Variants in ESRRG observed in about 807,000 individuals in gnomAD.
The protein encoded by ESRRG is estrogen related receptor gamma.
A neutral mutation model predicts 44.0 loss-of-function variants in ESRRG; 13 were observed. The ratio of observed to expected loss-of-function variants is 0.30; its 90% CI spans 0.19 to 0.47. The LOEUF (loss-of-function observed/expected upper bound fraction) is 0.47. Among genes scored for constraint, ESRRG ranks in the 20% least tolerant of loss-of-function variants. The probability of loss-of-function intolerance (pLI) is 1.00; values close to 1 mark genes in which losing one functional copy is unlikely to be tolerated. For synonymous variants in ESRRG, 215 were observed against 214.6 expected (o/e 1.00, Z -0.02); for missense variants, 395 against 580.6 (o/e 0.68, Z 3.29).
intron 1 of ESRRG, among the ~76,000 whole-genome samples, chr1:217,122,387 C>T (rs1249272916): frequency 6.6e-6 from 1 of 152,088 alleles, no homozygotes; most frequent in Non-Finnish European, 1.5e-5. Context: ...GCCCCACCTC[C>T]TATTAGTTAT....
intron 1 of ESRRG, among the ~76,000 whole-genome samples, chr1:217,036,541 T>C (rs1471554366): frequency 1.3e-5 from 2 of 152,188 alleles, no homozygotes; most frequent in Non-Finnish European, 2.9e-5. Flanking sequence ...GCAGCCATTC[T>C]CCTTAGCAAA....
At chr1:216,817,582 C>A (rs1484799512) in intron 2 of ESRRG, among the ~76,000 whole-genome samples, 1 of 152,102 alleles carries the variant, frequency 6.6e-6, no homozygotes, top group Non-Finnish European at 1.5e-5. Context: ...CATTTCATTC[C>A]TATTGGGCCG....
intron 2 of ESRRG, among the ~76,000 whole-genome samples, chr1:216,762,621 G>A (rs1422440390): frequency 6.6e-6 from 1 of 151,334 alleles, no homozygotes; most frequent in Non-Finnish European, 1.5e-5. Context: ...GGAGTTAGTG[G>A]GTGCAGCACA....
intron 2 of ESRRG, among the ~76,000 whole-genome samples, chr1:216,878,525 C>T (rs1212736528): frequency 6.6e-6 from 1 of 152,162 alleles, no homozygotes; most frequent in Non-Finnish European, 1.5e-5. Flanking sequence ...CTATTTCTTT[C>T]ATAGTTTTAC....
At chr1:216,807,881 C>T (rs1269399525) in intron 2 of ESRRG, among the ~76,000 whole-genome samples, 1 of 152,076 alleles carries the variant, frequency 6.6e-6, no homozygotes, top group Admixed American at 6.6e-5. Flanking sequence ...TAGTCCCTTT[C>T]TACATTTCAG....
intron 2 of ESRRG, among the ~76,000 whole-genome samples, chr1:216,897,108 C>G (rs1375357726): frequency 6.6e-6 from 1 of 151,946 alleles, no homozygotes; most frequent in African/African-American, 2.4e-5. Context: ...ATTGATCAGC[C>G]GTTGTGAAGA....
At chr1:217,109,271 T>TTCCTTCCATTTA (rs2092634510) in intron 1 of ESRRG, among the ~76,000 whole-genome samples, 1 of 152,110 alleles carries the variant, frequency 6.6e-6, no homozygotes, top group Admixed American at 6.6e-5. Context: ...GAATAGAAGC[T>TTCCTTCCATTTA]TCCTTCCATT....
chr1:216,626,597 T>C (rs17043114), intron 3 of ESRRG, among the ~76,000 whole-genome samples: 1,945 of 152,334 alleles, frequency 0.013, 44 homozygotes, highest in African/African-American at 0.044. Flanking sequence ...GCAGCACCAT[T>C]GACAGTCAGA....
intron 2 of ESRRG, among the ~76,000 whole-genome samples, chr1:216,829,115 A>G (rs2095444226): frequency 6.6e-6 from 1 of 152,214 alleles, no homozygotes; most frequent in Non-Finnish European, 1.5e-5. Flanking sequence ...GTATTGATAG[A>G]ATGGCTGTGA....
chr1:216,970,956 A>G (rs1008079934), intron 1 of ESRRG, among the ~76,000 whole-genome samples: 1 of 152,180 alleles, frequency 6.6e-6, no homozygotes, highest in African/African-American at 2.4e-5. Flanking sequence ...CAAGGAAGGA[A>G]GATTATGCAA....
At chr1:217,065,836 TG>T (rs1279057872) in intron 1 of ESRRG, among the ~76,000 whole-genome samples, 2 of 152,220 alleles carry the variant, frequency 1.3e-5, no homozygotes, top group Admixed American at 1.3e-4. Flanking sequence ...GAAGCACTTT[TG>T]CAATAATAAC....
intron 2 of ESRRG, among the ~76,000 whole-genome samples, chr1:216,654,565 G>T (rs2069929496): frequency 6.6e-6 from 1 of 151,404 alleles, no homozygotes; most frequent in Non-Finnish European, 1.5e-5. Flanking sequence ...GGAGAAGGAG[G>T]CTGCAGTGAG....
In ESRRG at chr1:216,568,055, C is replaced by T. The variant is rs2060001464; in HGVS notation, c.633G>A (p.Lys211=). 2 of 1,613,936 alleles carry T rather than the reference C, an allele frequency of 1.2e-6. No individual in the cohort carries two copies. Among genetic ancestry groups the T allele is most frequent in the East Asian group, 2.2e-5 (1 of 44,860 alleles). ...DRVRGGRQKY[K]RRIDAENSPY... is the part of the protein sequence containing the mutation. Reference sequence around the variant, plus strand: ...GGCTGTTCTCCGCATCTATCCTGCGCTTGTACTTCTGCCGACCTCCACGTA... The same window carrying T: ...GGCTGTTCTCCGCATCTATCCTGCGTTTGTACTTCTGCCGACCTCCACGTA... The change falls in exon 4 of 7, where the codon AAG becomes AAA. Residue 211 remains lysine, a synonymous_variant. Coordinates refer to ENST00000408911, the MANE Select transcript of ESRRG (RefSeq NM_001438.4).
upstream of ESRRG, among the ~76,000 whole-genome samples, chr1:217,091,819 C>G (rs1416865976): frequency 6.6e-6 from 1 of 152,154 alleles, no homozygotes; most frequent in East Asian, 1.9e-4. Flanking sequence ...CAGTAACTAT[C>G]CAAGAGGTAC....
chr1:216,971,333 C>A (rs1379204925), intron 1 of ESRRG, among the ~76,000 whole-genome samples: 1 of 152,132 alleles, frequency 6.6e-6, no homozygotes, highest in Non-Finnish European at 1.5e-5. Flanking sequence ...ACTCATGAAG[C>A]CAGACTTAGC....
rs1382228401 is a variant in ESRRG, at chr1:216,506,446, GAGGAA to G, written c.*488_*492del. 1.0e-4 allele frequency: 33 copies of G among 327,524 alleles called. No homozygotes were observed. The highest frequency in any genetic ancestry group is 4.9e-4 in the East Asian group (6 of 12,272). The allele number at this position is 327,524 out of a possible 1,614,324, so 20.3% of individuals were successfully genotyped here. ...AAAAGAAAGATGGAAAGAAGGTCAA[GAGGAA>G]AGGAAAGGAAAGGGAAAAGGAAAGG... On this transcript the variant is annotated 3_prime_UTR_variant, in exon 7 of 7. Transcript: ENST00000408911.
intron 2 of ESRRG, among the ~76,000 whole-genome samples, chr1:216,749,532 C>A (rs899942920): frequency 1.3e-5 from 2 of 152,172 alleles, no homozygotes; most frequent in African/African-American, 4.8e-5. Flanking sequence ...CTGTGGAGAT[C>A]AAAATGGTCT....
chr1:216,964,482 C>A (rs2150211728), intron 1 of ESRRG, among the ~76,000 whole-genome samples: 1 of 152,188 alleles, frequency 6.6e-6, no homozygotes, highest in African/African-American at 2.4e-5. Context: ...ATTTGCCTCA[C>A]AGAAGCTGAT....
intron 1 of ESRRG, among the ~76,000 whole-genome samples, chr1:216,969,650 A>G (rs1348446191): frequency 2.0e-5 from 3 of 152,138 alleles, no homozygotes; most frequent in South Asian, 2.1e-4. Context: ...CAATGGCGCT[A>G]TCTCAGCTCA....
Sources: gnomAD v4.1 joint callset for allele counts (sites outside exome capture counted in the v4.1 genomes callset) on GRCh38, gnomAD v4.1.1 for gene constraint, MANE v1.5 for transcripts, NCBI Gene and HGNC (gene_info 2026-07-23, HGNC 2026-07-21) for gene names.